Variants in CDK18 observed in about 807,000 individuals in gnomAD.
The protein encoded by CDK18 is cyclin dependent kinase 18, also known as cyclin-dependent kinase 18.
A neutral mutation model predicts 62.0 loss-of-function variants in CDK18; 52 were observed. The ratio of observed to expected loss-of-function variants is 0.84; its 90% CI spans 0.67 to 1.06. The LOEUF is 1.06. Ranked by LOEUF, CDK18 falls within the 50% of genes least tolerant of loss-of-function variation. CDK18 has a pLI of 0.00. For missense variants in CDK18, 604 were observed against 619.9 expected, an observed-to-expected ratio of 0.97 and a Z score of 0.27; for synonymous variants, 237 against 247.0, an observed-to-expected ratio of 0.96 and a Z score of 0.38.
rs1668535835 is a variant in CDK18, at chr1:205,528,126, T to G, written c.932T>G (p.Val311Gly). 1 of 1,613,938 alleles carries G rather than the reference T, an allele frequency of 6.2e-7. No homozygotes were observed. Among genetic ancestry groups the G allele is most frequent in the South Asian group, 1.1e-5 (1 of 91,084 alleles). The change falls in exon 10 of 16, where the codon GTG (valine) becomes GGG (glycine). Residue 311 changes from valine to glycine, a missense_variant. Physicochemically the swap from Val to Gly is moderately radical, Grantham distance 109. Coordinates refer to ENST00000429964, the MANE Select transcript of CDK18 (RefSeq NM_212502.3). The surrounding 1 kb of genome is among the most constrained non-coding windows in gnomAD (Gnocchi z 4.2). ...VVTLWYRPPD[V>G]LLGSTEYSTP... ...ACCCTGTGGTACAGGCCCCCCGATG[T>G]GCTGCTGGGATCCACAGAGTACTCC... is the stretch of plus-strand genomic sequence containing the variant.
intron 1 of CDK18, among the ~76,000 whole-genome samples, chr1:205,509,063 C>A (rs1667443973): frequency 6.6e-6 from 1 of 151,944 alleles, no homozygotes; most frequent in South Asian, 2.1e-4. Context: ...GTAGGAGGAT[C>A]GCTTGAACCC....
chr1:205,523,420 G>A lies in CDK18; in HGVS notation c.131-63G>A, dbSNP rs779986647. The A allele has an allele frequency of 5.0e-6, 8 of 1,598,408 alleles. No individual in the cohort carries two copies. In the East Asian group the frequency reaches 1.1e-4, roughly 22 times the overall value. On this transcript the variant is annotated intron_variant, in intron 2 of 15. Coordinates refer to ENST00000429964, the MANE Select transcript of CDK18 (RefSeq NM_212502.3). ...GAGGAGCACAGCGCTGGGGGAGGGG[G>A]GCTACCCTTCTCTCCCTCAGGACAG...
At chr1:205,513,299 G>C (rs1452859156) in intron 1 of CDK18, among the ~76,000 whole-genome samples, 1 of 152,192 alleles carries the variant, frequency 6.6e-6, no homozygotes, top group African/African-American at 2.4e-5. Flanking sequence ...GAGGATGGGG[G>C]AGATGGAGGC....
In CDK18 at chr1:205,528,167, T is replaced by A; in HGVS notation, c.973T>A (p.Trp325Arg). The change falls in exon 10 of 16, where the codon TGG becomes AGG. Residue 325 changes from tryptophan to arginine, a missense_variant and splice_region_variant. Trp to Arg is a moderately radical substitution (Grantham distance 101). Transcript: ENST00000429964. The surrounding 1 kb of genome is among the most constrained non-coding windows in gnomAD (Gnocchi z 4.2). Reference sequence around the variant, plus strand: ...AGAGTACTCCACCCCCATTGATATGTGGTGAGTGAGCACTGTGGGGACCGA... The same window carrying A: ...AGAGTACTCCACCCCCATTGATATGAGGTGAGTGAGCACTGTGGGGACCGA... ...STEYSTPIDM[W>R]GVGCIHYEMA... 2 of 1,613,494 alleles carry A rather than the reference T, an allele frequency of 1.2e-6. No individual in the cohort carries two copies. Among genetic ancestry groups the A allele is most frequent in the Admixed American group, 1.7e-5 (1 of 60,006 alleles).
At chr1:205,506,207 C>G (rs1455152653) in intron 1 of CDK18, among the ~76,000 whole-genome samples, 1 of 152,142 alleles carries the variant, frequency 6.6e-6, no homozygotes, top group African/African-American at 2.4e-5. Flanking sequence ...GGCTCCAGGT[C>G]CGGGTTTGCA....
Position 205,517,556 on chromosome 1 carries a change from C to T in CDK18, c.-21-5591C>T, listed in dbSNP as rs1244510601. On this transcript the variant is annotated intron_variant, in intron 1 of 15. Coordinates refer to ENST00000429964, the MANE Select transcript of CDK18 (RefSeq NM_212502.3). The surrounding 1 kb of genome is among the most constrained non-coding windows in gnomAD (Gnocchi z 4.1). ...CCCAACATCCAACTCCTGGTCTTCCCACTGAAACCACTACTCCCAGAATGC... is the reference window on the plus strand; with the variant it reads ...CCCAACATCCAACTCCTGGTCTTCCTACTGAAACCACTACTCCCAGAATGC... Among the ~76,000 whole-genome samples, 1 of 152,098 alleles carries T rather than the reference C, an allele frequency of 6.6e-6. No individual in the cohort carries two copies. The highest frequency in any genetic ancestry group is 1.5e-5 in the Non-Finnish European group (1 of 68,020).
In CDK18 at chr1:205,530,650, G is replaced by GGA; in HGVS notation, c.1338_1339dup (p.Ile447ArgfsTer50). On this transcript the variant is annotated frameshift_variant, in exon 15 of 16. Transcript: ENST00000429964. LOFTEE classifies it high-confidence loss of function. The stretch of plus-strand genomic sequence containing the variant: ...CAGCTGCCTCCATCTTCTCCCTGAA[G>GGA]GAGATCCAGCTCCAGAAGGACCCAG... 2.5e-6 allele frequency: 4 copies of GGA among 1,613,994 alleles called. No individual in the cohort carries two copies. The highest frequency in any genetic ancestry group is 2.5e-6 in the Non-Finnish European group (3 of 1,180,026).
intron 1 of CDK18, among the ~76,000 whole-genome samples, chr1:205,519,837 C>T (rs74686799): frequency 6.6e-6 from 1 of 152,006 alleles, no homozygotes; most frequent in African/African-American, 2.4e-5. Context: ...CCTCCCCTCA[C>T]CCTACAAGCA....
At chr1:205,529,210 G>C in intron 11 of CDK18, 114 bp downstream of exon 11, 1 of 1,339,994 alleles carries the variant, frequency 7.5e-7, no homozygotes, top group Non-Finnish European at 1.0e-6. Context: ...CCCGGGCGGG[G>C]ACCCCCTGTG....
At chr1:205,508,841 CA>C (rs976725965) in intron 1 of CDK18, among the ~76,000 whole-genome samples, 37 of 138,302 alleles carry the variant, frequency 2.7e-4, no homozygotes, top group African/African-American at 3.2e-4. Flanking sequence ...AAGAACTTGT[CA>C]AAAAAAAAAT....
At chr1:205,521,100 CA>C (rs1668099508) in intron 1 of CDK18, among the ~76,000 whole-genome samples, 1 of 152,214 alleles carries the variant, frequency 6.6e-6, no homozygotes, top group Non-Finnish European at 1.5e-5. Context: ...ACCTTCTCAT[CA>C]AAGGAGGCAT....
At position 205,523,650 on chromosome 1, in the gene CDK18, C is replaced by A. The variant is rs771603510; in HGVS notation, c.273+25C>A. The A allele has an allele frequency of 5.1e-6, 8 of 1,555,662 alleles. No homozygotes were observed. The East Asian group carries it at 1.9e-4, about 37-fold the overall frequency. On this transcript the variant is annotated intron_variant, in intron 3 of 15. Transcript: ENST00000429964. The stretch of plus-strand genomic sequence containing the variant: ...GGTAAGGGCCTCTGGAGCTCTGCCC[C>A]GGCAGGTGGCAGGATGCACGCACAA...
intron 3 of CDK18, 144 bp downstream of exon 3, chr1:205,523,769 T>A: frequency 9.4e-7 from 1 of 1,059,410 alleles, no homozygotes; most frequent in South Asian, 1.7e-5. Flanking sequence ...TTGAGCAAGT[T>A]ACTCAACCTC....
rs985299521 is a variant in CDK18 at position 205,532,741 on chromosome 1, C to T, written c.*1363C>T. ...CTCCTCCCCACGGTACTGTGAACGT[C>T]GTGTGACTCAGTGCAGAGACAGATA... On this transcript the variant is annotated 3_prime_UTR_variant, in exon 16 of 16. Coordinates refer to ENST00000429964, the MANE Select transcript of CDK18 (RefSeq NM_212502.3). 1.3e-5 allele frequency: 2 copies of T among 152,258 alleles called. No individual in the cohort carries two copies. Among genetic ancestry groups the T allele is most frequent in the African/African-American group, 2.4e-5 (1 of 41,352 alleles). 9.4% of individuals were successfully genotyped at this position (152,258 alleles called of 1,614,324 possible). A position where few individuals can be genotyped will look rare whatever the true frequency, so the allele number is the denominator to read the frequency against.
chr1:205,529,269 C>A (rs552765719), intron 11 of CDK18, 55 bp from the exon 12 acceptor site: 79 of 1,507,146 alleles, frequency 5.2e-5, no homozygotes, highest in Non-Finnish European at 7.0e-5. Flanking sequence ...CCTTTCAAGT[C>A]GGCCTTGGCC....
Position 205,526,846 on chromosome 1 carries a change from T to G in CDK18, c.729+9T>G. ...GCATGCACAACGTCAAGGTGAGGCCTCGGGGGCAGGGTCCCCCCATCTTGG... is the reference window on the plus strand; with the variant it reads ...GCATGCACAACGTCAAGGTGAGGCCGCGGGGGCAGGGTCCCCCCATCTTGG... On this transcript the variant is annotated intron_variant, in intron 8 of 15. Coordinates refer to ENST00000429964, the MANE Select transcript of CDK18 (RefSeq NM_212502.3). 6.2e-7 allele frequency: 1 copy of G among 1,611,912 alleles called. No individual in the cohort carries two copies. The highest frequency in any genetic ancestry group is 8.5e-7 in the Non-Finnish European group (1 of 1,177,976).
At position 205,527,622 on chromosome 1, in the gene CDK18, G is replaced by C. The variant is rs1438947422; in HGVS notation, c.730-172G>C. 1.8e-5 allele frequency: 12 copies of C among 664,950 alleles called. No homozygotes were observed. Among genetic ancestry groups the C allele is most frequent in the Non-Finnish European group, 3.2e-5 (12 of 377,292 alleles). 41.2% of individuals were successfully genotyped at this position (664,950 alleles called of 1,614,324 possible). A position where few individuals can be genotyped will look rare whatever the true frequency, so the allele number is the denominator to read the frequency against. On this transcript the variant is annotated intron_variant, in intron 8 of 15. Coordinates refer to ENST00000429964, the MANE Select transcript of CDK18 (RefSeq NM_212502.3). The surrounding 1 kb of genome is among the most constrained non-coding windows in gnomAD (Gnocchi z 4.1). Reference sequence around the variant, plus strand: ...TGCACCCCTGCTGTCCTCCCCTCTGGATGGGATTCCCTGGTGTGGGTGGGG... The same window carrying C: ...TGCACCCCTGCTGTCCTCCCCTCTGCATGGGATTCCCTGGTGTGGGTGGGG...
chr1:205,528,269 C>T lies in CDK18; in HGVS notation c.974+101C>T. On this transcript the variant is annotated intron_variant, in intron 10 of 15. Coordinates refer to ENST00000429964, the MANE Select transcript of CDK18 (RefSeq NM_212502.3). This position sits in a 1 kb window ranked among gnomAD's most constrained non-coding sequence, Gnocchi z 4.2. The stretch of plus-strand genomic sequence containing the variant: ...AGGGCCTCGGGGAAGAACTGCCTAA[C>T]TTCCTTTGCCTAAAAGCCTTGTGAC... The T allele has an allele frequency of 1.4e-6, 2 of 1,387,774 alleles. No individual in the cohort carries two copies. Among genetic ancestry groups the T allele is most frequent in the Non-Finnish European group, 2.0e-6 (2 of 1,010,496 alleles). 86.0% of individuals were successfully genotyped at this position (1,387,774 alleles called of 1,614,324 possible).
chr1:205,526,228 G>A (rs748394111), intron 6 of CDK18, 49 bp downstream of exon 6: 1 of 1,553,440 alleles, frequency 6.4e-7, no homozygotes, highest in Admixed American at 1.7e-5. Context: ...CAGGAGGAGG[G>A]GTTCACCAGC....
Sources: gnomAD v4.1 joint callset for allele counts (sites outside exome capture counted in the v4.1 genomes callset) on GRCh38, gnomAD v4.1.1 for gene constraint, Gnocchi (gnomAD v3.1) non-coding constraint, MANE v1.5 for transcripts, NCBI Gene and HGNC (gene_info 2026-07-23, HGNC 2026-07-21) for gene names.